The following TBC1D22A variants were observed in gnomAD, a reference collection of about 807,000 sequenced individuals.
TBC1D22A encodes TBC1 domain family member 22A.
TBC1D22A carries 38 observed loss-of-function variants against 60.2 expected under a neutral mutation model. That is an observed-to-expected ratio of 0.63 (90% CI 0.49 to 0.83). The LOEUF is 0.83. TBC1D22A is among the 40% of genes least tolerant of loss of function. The pLI is 0.00. For missense variants in TBC1D22A, 628 were observed against 701.0 expected (o/e 0.90, Z 1.18); for synonymous variants, 302 against 281.7 (o/e 1.07, Z -0.72).
At chr22:47,107,839 A>G (rs1044003321) in intron 11 of TBC1D22A, among the ~76,000 whole-genome samples, 1 of 152,272 alleles carries the variant, frequency 6.6e-6, no homozygotes, top group Non-Finnish European at 1.5e-5. Context: ...CCATGTGCAT[A>G]CAAATGAACT....
At chr22:46,814,543 ATCT>A (rs1452966773) in intron 4 of TBC1D22A, among the ~76,000 whole-genome samples, 2 of 151,930 alleles carry the variant, frequency 1.3e-5, no homozygotes, top group Non-Finnish European at 2.9e-5. Flanking sequence ...AAAAAAGCTG[ATCT>A]TCTTTGTCTT....
intron 4 of TBC1D22A, among the ~76,000 whole-genome samples, chr22:46,822,407 C>T (rs1254624404): frequency 6.6e-6 from 1 of 151,930 alleles, no homozygotes; most frequent in African/African-American, 2.4e-5. Context: ...GGCTGCTGAC[C>T]CTTAGTTGGG....
At chr22:46,826,218 G>A (rs916083712) in intron 4 of TBC1D22A, among the ~76,000 whole-genome samples, 5 of 152,170 alleles carry the variant, frequency 3.3e-5, no homozygotes, top group African/African-American at 1.2e-4. Context: ...GGCCCTTTGT[G>A]TGACTGGATG....
chr22:46,902,610 G>GC (rs1421370453), intron 7 of TBC1D22A, among the ~76,000 whole-genome samples: 1 of 152,240 alleles, frequency 6.6e-6, no homozygotes, highest in African/African-American at 2.4e-5. Context: ...CTGGGACAGA[G>GC]CCCCGCTGTG....
At chr22:47,038,392 C>G (rs9615117) in intron 11 of TBC1D22A, among the ~76,000 whole-genome samples, 9,661 of 152,230 alleles carry the variant, frequency 0.063, 597 homozygotes, top group African/African-American at 0.16. Flanking sequence ...GGCATAGGTC[C>G]CAGGCACTGC....
rs371228970 is a variant in TBC1D22A at position 46,928,960 on chromosome 22, C to T, written c.1015+16772C>T. 7.3e-5 allele frequency among the ~76,000 whole-genome samples: 11 copies of T among 151,282 alleles called. No individual in the cohort carries two copies. The East Asian group carries it at 1.8e-3, about 24-fold the overall frequency. ...TGTGGAGAAATTAGAATGTGGGGGC[C>T]GGGGGATTGACTGTTAATGGGTACA... On this transcript the variant is annotated intron_variant, in intron 8 of 12. Transcript: ENST00000337137.
intron 3 of TBC1D22A, among the ~76,000 whole-genome samples, chr22:46,795,312 C>T (rs541404476): frequency 6.6e-6 from 1 of 152,254 alleles, no homozygotes; most frequent in Non-Finnish European, 1.5e-5. Context: ...CTGTGAGCCT[C>T]TCAGCACCGT....
At position 47,101,804 on chromosome 22, in the gene TBC1D22A, A is replaced by T. The variant is rs898101331; in HGVS notation, c.1330-9704A>T. 4.6e-5 allele frequency among the ~76,000 whole-genome samples: 7 copies of T among 152,172 alleles called. No homozygotes were observed. In the East Asian group the frequency reaches 1.4e-3, roughly 29 times the overall value. On this transcript the variant is annotated intron_variant, in intron 11 of 12. Transcript: ENST00000337137. ...GGGGCTTCATCTTCCTTGACGGGAG[A>T]TGGGGAGCCTCTGACTGTTAGGATC...
intron 12 of TBC1D22A, among the ~76,000 whole-genome samples, chr22:47,167,988 C>T (rs1279867225): frequency 1.3e-5 from 2 of 152,200 alleles, no homozygotes; most frequent in African/African-American, 4.8e-5. Flanking sequence ...TCCCATTTTA[C>T]AGATGAGGAA....
At chr22:46,962,068 C>T (rs767796721) in intron 8 of TBC1D22A, among the ~76,000 whole-genome samples, 10 of 152,190 alleles carry the variant, frequency 6.6e-5, no homozygotes, top group Admixed American at 5.2e-4. Flanking sequence ...TGACTGTGGC[C>T]GGCCCTCTGG....
chr22:47,027,059 A>T (rs1424424002), intron 10 of TBC1D22A, among the ~76,000 whole-genome samples: 2 of 152,236 alleles, frequency 1.3e-5, no homozygotes, highest in Non-Finnish European at 2.9e-5. Flanking sequence ...TGCCATTGAG[A>T]TAAGAAAAGA....
At chr22:47,023,298 A>G (rs2062149539) in intron 10 of TBC1D22A, among the ~76,000 whole-genome samples, 1 of 152,272 alleles carries the variant, frequency 6.6e-6, no homozygotes, top group South Asian at 2.1e-4. Flanking sequence ...TGAACCTGCC[A>G]ACACAGCAAT....
At chr22:46,879,691 C>A (rs1020352668) in intron 5 of TBC1D22A, among the ~76,000 whole-genome samples, 1 of 152,112 alleles carries the variant, frequency 6.6e-6, no homozygotes, top group African/African-American at 2.4e-5. Flanking sequence ...CAGTTTATAT[C>A]CAGTTTTCTA....
At chr22:46,788,086 G>A (rs1057506515) in intron 1 of TBC1D22A, among the ~76,000 whole-genome samples, 4 of 151,946 alleles carry the variant, frequency 2.6e-5, no homozygotes, top group African/African-American at 7.3e-5. Context: ...ATAGGCGTCC[G>A]CCACCACGAC....
In TBC1D22A at chr22:46,987,425, A is replaced by G. The variant is rs189184202; in HGVS notation, c.1126-10209A>G. Among the ~76,000 whole-genome samples the G allele has an allele frequency of 5.3e-4, 80 of 152,324 alleles. 1 individual carries two copies. Among genetic ancestry groups the G allele is most frequent in the African/African-American group, 1.9e-3 (79 of 41,574 alleles). ...GTACACGATGATGTTATCAGCAAAT[A>G]AAGAGACTCTTCTTTCTTTGCAAGA... is the stretch of plus-strand genomic sequence containing the variant. On this transcript the variant is annotated intron_variant, in intron 9 of 12. Coordinates refer to ENST00000337137, the MANE Select transcript of TBC1D22A (RefSeq NM_014346.5).
intron 11 of TBC1D22A, among the ~76,000 whole-genome samples, chr22:47,083,348 G>C (rs2064548613): frequency 6.7e-6 from 1 of 148,560 alleles, no homozygotes; most frequent in Non-Finnish European, 1.5e-5. Flanking sequence ...ATACTTAGAA[G>C]ACACACACAC....
chr22:47,058,263 G>A (rs977929872), intron 11 of TBC1D22A, among the ~76,000 whole-genome samples: 4 of 152,118 alleles, frequency 2.6e-5, no homozygotes, highest in East Asian at 1.9e-4. Context: ...TCCCCATGCC[G>A]TGCAGGCCTG....
At chr22:46,848,581 C>T (rs561652231) in intron 4 of TBC1D22A, among the ~76,000 whole-genome samples, 4 of 152,334 alleles carry the variant, frequency 2.6e-5, no homozygotes, top group African/African-American at 9.6e-5. Context: ...AGACAGGAAT[C>T]CAGGTAGGCT....
At chr22:47,166,833 G>C (rs4621265) in intron 12 of TBC1D22A, among the ~76,000 whole-genome samples, 1 of 152,088 alleles carries the variant, frequency 6.6e-6, no homozygotes, top group Non-Finnish European at 1.5e-5. Context: ...GAGGAGAGAG[G>C]CCGGGGTACA....
Sources: gnomAD v4.1 joint callset for allele counts (sites outside exome capture counted in the v4.1 genomes callset) on GRCh38, gnomAD v4.1.1 for gene constraint, MANE v1.5 for transcripts, NCBI Gene and HGNC (gene_info 2026-07-23, HGNC 2026-07-21) for gene names.